Variants in EXOC4 observed in about 807,000 individuals in gnomAD.
EXOC4 encodes SEC8-like 1.
Under a neutral mutation model 107.2 loss-of-function variants are expected in EXOC4, and 71 were observed. The observed-to-expected ratio is 0.66, with a 90% CI of 0.55 to 0.81. The LOEUF (loss-of-function observed/expected upper bound fraction) is 0.81, where lower values mean the gene tolerates loss of function less well. Ranked by LOEUF, EXOC4 falls within the 30% of genes least tolerant of loss-of-function variation. EXOC4 has a pLI of 0.00. For missense variants in EXOC4, 1,108 were observed against 1,189.6 expected, an observed-to-expected ratio of 0.93 and a Z score of 1.01; for synonymous variants, 456 against 441.2, an observed-to-expected ratio of 1.03 and a Z score of -0.42.
intron 10 of EXOC4, among the ~76,000 whole-genome samples, chr7:133,773,573 A>G (rs1398166206): frequency 6.6e-6 from 1 of 151,882 alleles, no homozygotes; most frequent in African/African-American, 2.4e-5. Context: ...AGATCATACC[A>G]TACCCAAAAT....
intron 7 of EXOC4, among the ~76,000 whole-genome samples, chr7:133,464,090 GATA>G (rs1798659083): frequency 6.6e-6 from 1 of 152,196 alleles, no homozygotes; most frequent in Non-Finnish European, 1.5e-5. Context: ...TATCCTGATA[GATA>G]ATAATAGTCT....
chr7:133,725,894 T>C (rs945100674), intron 10 of EXOC4, among the ~76,000 whole-genome samples: 16 of 152,190 alleles, frequency 1.1e-4, no homozygotes, highest in African/African-American at 3.6e-4. Context: ...GTGGATTGCA[T>C]GTGTGGTGTA....
At chr7:133,599,612 T>G (rs1169436832) in intron 9 of EXOC4, among the ~76,000 whole-genome samples, 1 of 152,222 alleles carries the variant, frequency 6.6e-6, no homozygotes, top group Admixed American at 6.5e-5. Context: ...CAGACAATAA[T>G]TTCCATAGCT....
intron 14 of EXOC4, among the ~76,000 whole-genome samples, chr7:133,984,343 A>G (rs976907087): frequency 2.6e-5 from 4 of 152,200 alleles, no homozygotes; most frequent in African/African-American, 4.8e-5. Context: ...TGAGCCTTCC[A>G]TGAATCTCCT....
chr7:133,879,134 C>T (rs117730778), intron 11 of EXOC4, among the ~76,000 whole-genome samples: 2,236 of 152,208 alleles, frequency 0.015, 17 homozygotes, highest in Middle Eastern at 0.027. Context: ...GACAGAGTGT[C>T]GCTCTGTCGC....
intron 14 of EXOC4, among the ~76,000 whole-genome samples, chr7:133,948,490 G>A (rs1800606777): frequency 6.6e-6 from 1 of 152,162 alleles, no homozygotes; most frequent in African/African-American, 2.4e-5. Context: ...AATATAAACT[G>A]GATGTGCTTT....
chr7:133,307,963 G>A (rs143028001), intron 4 of EXOC4, among the ~76,000 whole-genome samples: 32 of 152,110 alleles, frequency 2.1e-4, no homozygotes, highest in Middle Eastern at 3.2e-3. Flanking sequence ...AACAGTAACC[G>A]GGAGCTACAA....
At chr7:133,817,785 T>C (rs1423723194) in intron 11 of EXOC4, among the ~76,000 whole-genome samples, 1 of 152,092 alleles carries the variant, frequency 6.6e-6, no homozygotes, top group Non-Finnish European at 1.5e-5. Flanking sequence ...AGATGGTGAA[T>C]CTCATTAACA....
intron 9 of EXOC4, among the ~76,000 whole-genome samples, chr7:133,565,539 C>T (rs767871141): frequency 3.9e-5 from 6 of 152,146 alleles, no homozygotes; most frequent in Admixed American, 1.3e-4. Context: ...TTTCGTGATT[C>T]AGTAGCCCTA....
intron 9 of EXOC4, among the ~76,000 whole-genome samples, chr7:133,514,934 A>G (rs1799844196): frequency 6.6e-6 from 1 of 152,182 alleles, no homozygotes; most frequent in Admixed American, 6.5e-5. Context: ...GACTAAGGAT[A>G]GTCTGAACTT....
the EXOC4 span, among the ~76,000 whole-genome samples, chr7:134,090,961 T>C: frequency 6.6e-6 from 1 of 151,964 alleles, no homozygotes; most frequent in Non-Finnish European, 1.5e-5. Context: ...AATCCCATTC[T>C]TTACCCAGGT....
intron 9 of EXOC4, among the ~76,000 whole-genome samples, chr7:133,498,757 A>G (rs1411350238): frequency 6.6e-6 from 1 of 152,226 alleles, no homozygotes; most frequent in Non-Finnish European, 1.5e-5. Flanking sequence ...TACTAGTACT[A>G]AACCCCATGT....
intron 17 of EXOC4, among the ~76,000 whole-genome samples, chr7:134,026,276 C>T (rs1795135210): frequency 6.6e-6 from 1 of 151,508 alleles, no homozygotes; most frequent in East Asian, 2.0e-4. Context: ...AAAGTAGTAG[C>T]CCAGACTTAT....
intron 10 of EXOC4, among the ~76,000 whole-genome samples, chr7:133,633,193 G>T (rs1331308446): frequency 1.3e-5 from 2 of 152,116 alleles, no homozygotes; most frequent in African/African-American, 4.8e-5. Flanking sequence ...GGATCAGTGG[G>T]ATGTCCTATA....
At chr7:133,282,392 C>G (rs1258634635) in intron 2 of EXOC4, among the ~76,000 whole-genome samples, 1 of 152,184 alleles carries the variant, frequency 6.6e-6, no homozygotes, top group Admixed American at 6.5e-5. Flanking sequence ...TTGTCTCTGA[C>G]TTGATATCAT....
intron 10 of EXOC4, among the ~76,000 whole-genome samples, chr7:133,773,543 G>A (rs907481945): frequency 2.6e-5 from 4 of 151,654 alleles, no homozygotes; most frequent in African/African-American, 9.7e-5. Context: ...AGGTTTTAGA[G>A]TGCCTGGCTC....
At chr7:133,942,384 T>C (rs1450371083) in intron 14 of EXOC4, among the ~76,000 whole-genome samples, 1 of 152,206 alleles carries the variant, frequency 6.6e-6, no homozygotes, top group Non-Finnish European at 1.5e-5. Context: ...TAAAATATTG[T>C]AATGCATCCA....
intron 6 of EXOC4, among the ~76,000 whole-genome samples, chr7:133,366,981 G>C (rs1050435711): frequency 2.6e-5 from 4 of 152,140 alleles, no homozygotes; most frequent in Non-Finnish European, 5.9e-5. Context: ...TAAAGAGGTA[G>C]CAGTAAAGAG....
At chr7:133,719,985 T>A (rs1283875456) in intron 10 of EXOC4, among the ~76,000 whole-genome samples, 2 of 152,174 alleles carry the variant, frequency 1.3e-5, no homozygotes, top group Non-Finnish European at 2.9e-5. Flanking sequence ...TCCCACTGAT[T>A]GTGATTGATT....
Sources: gnomAD v4.1 joint callset for allele counts (sites outside exome capture counted in the v4.1 genomes callset) on GRCh38, gnomAD v4.1.1 for gene constraint, MANE v1.5 for transcripts, NCBI Gene and HGNC (gene_info 2026-07-23, HGNC 2026-07-21) for gene names.